FYCO1: variants seen among roughly 807,000 people sequenced by gnomAD.
FYCO1 encodes FYVE and coiled-coil domain autophagy adaptor 1.
A neutral mutation model predicts 165.1 loss-of-function variants in FYCO1; 122 were observed. The ratio of observed to expected loss-of-function variants is 0.74; its 90% CI spans 0.64 to 0.86. The LOEUF is 0.86. Ranked by LOEUF, FYCO1 falls within the 40% of genes least tolerant of loss-of-function variation. The pLI, the probability that FYCO1 is intolerant of heterozygous loss-of-function variation, is 0.00. For synonymous variants in FYCO1, 648 were observed against 742.5 expected (o/e 0.87, Z 2.07); for missense variants, 1,702 against 1,810.3 (o/e 0.94, Z 1.09).
In FYCO1 at chr3:45,967,638, C is replaced by T. The variant is rs1296131690; in HGVS notation, c.1696G>A (p.Val566Met). The T allele has an allele frequency of 2.5e-6, 4 of 1,613,588 alleles. No individual in the cohort carries two copies. The highest frequency in any genetic ancestry group is 3.3e-5 in the Admixed American group (2 of 60,036). ...AGGGCCTCATTCTTCTCACCTGCCA[C>T]TGGCAGTTCTGGGCCAGGCGGCCCA... Reference protein sequence around the residue: ...LAGPPGPELPVAGEKNEALVP... With the variant: ...LAGPPGPELPMAGEKNEALVP... The change falls in exon 8 of 18, where the codon GTG becomes ATG. Residue 566 changes from valine (V) to methionine (M), a missense_variant. Physicochemically the swap from Val to Met is conservative, Grantham distance 21. Transcript: ENST00000296137.
intron 14 of FYCO1, among the ~76,000 whole-genome samples, chr3:45,951,973 C>T (rs150204351): frequency 1.4e-4 from 22 of 152,300 alleles, no homozygotes; most frequent in East Asian, 1.2e-3. Flanking sequence ...GGACATGGGA[C>T]GGAGAGAAGA....
intron 4 of FYCO1, among the ~76,000 whole-genome samples, chr3:45,979,463 G>A (rs550256559): frequency 1.3e-5 from 2 of 152,282 alleles, no homozygotes; most frequent in East Asian, 3.9e-4. Context: ...AGTAACATGC[G>A]GGTTGTGGCC....
At chr3:45,951,260 C>T (rs1705006006) in intron 14 of FYCO1, among the ~76,000 whole-genome samples, 1 of 152,178 alleles carries the variant, frequency 6.6e-6, no homozygotes, top group Admixed American at 6.5e-5. Context: ...GTGCTCCACA[C>T]ACACAGTTCT....
chr3:45,953,591 C>T (rs760505552), intron 14 of FYCO1, among the ~76,000 whole-genome samples: 41 of 152,146 alleles, frequency 2.7e-4, no homozygotes, highest in Non-Finnish European at 4.6e-4. Flanking sequence ...AATGAGAAGG[C>T]CAAGGGAGAA....
At position 45,966,628 on chromosome 3, in the gene FYCO1, G is replaced by C; in HGVS notation, c.2706C>G (p.Asn902Lys). The stretch of plus-strand genomic sequence containing the variant: ...GGATGCCCAGCTCAGCTGTGTCTGT[G>C]TTGGCCCGGTGCAGCTGCTCTTGCA... The part of the protein sequence containing the change: ...AELQEQLHRA[N>K]TDTAELGIQV... The change falls in exon 8 of 18, where the codon AAC becomes AAG. Residue 902 changes from asparagine to lysine, a missense_variant. Coordinates refer to ENST00000296137, the MANE Select transcript of FYCO1 (RefSeq NM_024513.4). 5 of 1,614,190 alleles carry C rather than the reference G, an allele frequency of 3.1e-6. No homozygotes were observed. Among genetic ancestry groups the C allele is most frequent in the South Asian group, 2.2e-5 (2 of 91,086 alleles).
Position 45,918,232 on chromosome 3 carries a change from A to T in FYCO1, c.*3533T>A, listed in dbSNP as rs1405899207. On this transcript the variant is annotated 3_prime_UTR_variant, in exon 18 of 18. Coordinates refer to ENST00000296137, the MANE Select transcript of FYCO1 (RefSeq NM_024513.4). ...AGAGTGTCTCTGCATAACATACATCAAGCAGCCTTTTTCTTTTTTTAAATC... is the reference window on the plus strand; with the variant it reads ...AGAGTGTCTCTGCATAACATACATCTAGCAGCCTTTTTCTTTTTTTAAATC... The T allele has an allele frequency of 6.6e-6, 1 of 152,618 alleles. No homozygotes were observed. The highest frequency in any genetic ancestry group is 1.5e-5 in the Non-Finnish European group (1 of 68,034). The allele number at this position is 152,618 out of a possible 1,614,324, so 9.5% of individuals were successfully genotyped here.
At chr3:45,944,560 T>C (rs56196539) in intron 14 of FYCO1, among the ~76,000 whole-genome samples, 47 of 152,266 alleles carry the variant, frequency 3.1e-4, no homozygotes, top group African/African-American at 1.1e-3. Context: ...CAAAATAGGA[T>C]TTTAATTATA....
In FYCO1 at chr3:45,959,420, C is replaced by G; in HGVS notation, c.3560G>C (p.Ser1187Thr). 2 of 1,614,078 alleles carry G rather than the reference C, an allele frequency of 1.2e-6. No homozygotes were observed. Among genetic ancestry groups the G allele is most frequent in the Non-Finnish European group, 1.7e-6 (2 of 1,180,042 alleles). The change falls in exon 12 of 18, where the codon AGC becomes ACC. Residue 1187 changes from serine to threonine, a missense_variant. By Grantham distance (58) the Ser-to-Thr change is moderately conservative. Transcript: ENST00000296137. ...NHCLDCKREF[S>T]WMVRRHHCRI... ...GCAGTGGTGCCGCCGCACCATCCAG[C>G]TGAACTCCCGCTTACAGTCGAGGCA... is the stretch of plus-strand genomic sequence containing the variant.
intron 14 of FYCO1, chr3:45,946,319 C>G: frequency 1.6e-6 from 1 of 620,654 alleles, no homozygotes; most frequent in Non-Finnish European, 2.8e-6. Context: ...CTTCAATATA[C>G]TGGACTGTGC....
At position 45,931,127 on chromosome 3, in the gene FYCO1, T is replaced by C; in HGVS notation, c.4195A>G (p.Ile1399Val). The stretch of plus-strand genomic sequence containing the variant: ...TCCTGGAAGACCACACTGAAGGAGA[T>C]GCTCTTGGGGTCAGAGGAGAAGACC... ...SWVFSSDPKS[I>V]SFSVVFQEAE... The change falls in exon 16 of 18, where the codon ATC (isoleucine) becomes GTC (valine). Residue 1399 changes from isoleucine to valine, a missense_variant. Transcript: ENST00000296137. The C allele has an allele frequency of 6.2e-7, 1 of 1,613,934 alleles. No homozygotes were observed.
intron 1 of FYCO1, among the ~76,000 whole-genome samples, chr3:45,995,066 G>A (rs1282029874): frequency 1.0e-5 from 1 of 98,408 alleles, no homozygotes; most frequent in Non-Finnish European, 1.9e-5. Context: ...ACCCCCGCCA[G>A]GTTTCAACAG....
chr3:45,928,783 C>A (rs1239452281), intron 16 of FYCO1, among the ~76,000 whole-genome samples: 2 of 152,120 alleles, frequency 1.3e-5, no homozygotes, highest in African/African-American at 4.8e-5. Context: ...GCCCACCCAC[C>A]CCTGTCATGA....
intron 14 of FYCO1, chr3:45,947,560 G>GT: frequency 7.0e-7 from 1 of 1,418,668 alleles, no homozygotes; most frequent in Non-Finnish European, 9.9e-7. Context: ...AGTCATGGCT[G>GT]TGCCCTCTTG....
At chr3:45,963,822 G>T (rs1705837612) in intron 10 of FYCO1, among the ~76,000 whole-genome samples, 1 of 152,208 alleles carries the variant, frequency 6.6e-6, no homozygotes, top group African/African-American at 2.4e-5. Flanking sequence ...GCTATCCACA[G>T]ATATGGCATC....
chr3:45,966,586 G>A lies in FYCO1; in HGVS notation c.2748C>T (p.Thr916=), dbSNP rs142981160. The part of the protein sequence containing the change: ...AELGIQVCAL[T]VEKERVEEAL... ...CCTCCTCCACTCGCTCCTTTTCCAC[G>A]GTCAGTGCGCAAACCTGGATGCCCA... Residue 916 remains threonine (T), a synonymous_variant, in exon 8 of 18, where the codon ACC becomes ACT. Coordinates refer to ENST00000296137, the MANE Select transcript of FYCO1 (RefSeq NM_024513.4). 27 of 1,614,052 alleles carry A rather than the reference G, an allele frequency of 1.7e-5. No homozygotes were observed. The highest frequency in any genetic ancestry group is 1.5e-4 in the Admixed American group (9 of 60,012).
In FYCO1 at chr3:45,954,350, C is replaced by T. The variant is rs145280845; in HGVS notation, c.3944+899G>A. 3.9e-3 allele frequency among the ~76,000 whole-genome samples: 592 copies of T among 152,240 alleles called. 8 individuals carry two copies. Among genetic ancestry groups the T allele is most frequent in the African/African-American group, 0.013 (547 of 41,514 alleles). ...AAGACTGGACACCCCTGCTCTGATG[C>T]GTTCCCTGACAGTATTAGCCTGCAG... On this transcript the variant is annotated intron_variant, in intron 14 of 17. Coordinates refer to ENST00000296137, the MANE Select transcript of FYCO1 (RefSeq NM_024513.4).
chr3:45,950,919 T>C (rs1185658754), intron 14 of FYCO1, among the ~76,000 whole-genome samples: 1 of 152,210 alleles, frequency 6.6e-6, no homozygotes, highest in African/African-American at 2.4e-5. Flanking sequence ...GTTCTCATTT[T>C]GTTTCTGAGA....
Position 45,973,160 on chromosome 3 carries a change from T to C in FYCO1, c.467A>G (p.Glu156Gly), listed in dbSNP as rs1268654238. ...LSSDIVGQLY[E>G]LTEVQFDLAS... ...CAGGTCAAACTGAACCTCAGTCAGC[T>C]CATAGAGTTGGCCCACAATGTCCGA... Residue 156 changes from glutamate (E) to glycine (G), a missense_variant, in exon 6 of 18, where the codon GAG (glutamate) becomes GGG (glycine). Physicochemically the swap from Glu to Gly is moderately conservative, Grantham distance 98. Transcript: ENST00000296137. The C allele has an allele frequency of 6.2e-7, 1 of 1,614,230 alleles. No individual in the cohort carries two copies. The highest frequency in any genetic ancestry group is 8.5e-7 in the Non-Finnish European group (1 of 1,180,034).
intron 14 of FYCO1, among the ~76,000 whole-genome samples, chr3:45,941,796 G>A (rs1321228373): frequency 2.0e-5 from 3 of 152,230 alleles, no homozygotes; most frequent in Non-Finnish European, 4.4e-5. Context: ...ACAAGGCTCA[G>A]GCCATTCTAA....
Sources: allele counts gnomAD v4.1 joint callset (sites outside exome capture counted in the v4.1 genomes callset), GRCh38; gene constraint gnomAD v4.1.1; transcripts MANE v1.5; gene names NCBI Gene and HGNC (gene_info 2026-07-23, HGNC 2026-07-21).